The following TIMM23 variants were observed in gnomAD, a reference collection of about 807,000 sequenced individuals.
The protein encoded by TIMM23 is mitochondrial import inner membrane translocase subunit Tim23.
In TIMM23, 19 loss-of-function variants were observed where a neutral mutation model predicts 30.7. That is an observed-to-expected ratio of 0.62 (90% CI 0.43 to 0.91). TIMM23 has a LOEUF of 0.91. TIMM23 is among the 40% of genes least tolerant of loss of function. TIMM23 has a pLI of 0.00. For synonymous variants in TIMM23, 78 were observed against 98.5 expected (o/e 0.79, Z 1.23); for missense variants, 202 against 269.2 (o/e 0.75, Z 1.75).
At chr10:45,979,052 T>A (rs1478278354) in intron 2 of TIMM23, among the ~76,000 whole-genome samples, 7 of 152,230 alleles carry the variant, frequency 4.6e-5, no homozygotes, top group African/African-American at 1.7e-4. Flanking sequence ...ATTGTGTGGT[T>A]CCATTTATAT....
At chr10:45,986,314 C>G (rs1837985778) in intron 5 of TIMM23, among the ~76,000 whole-genome samples, 1 of 152,162 alleles carries the variant, frequency 6.6e-6, no homozygotes, top group African/African-American at 2.4e-5. Context: ...TCACCCCGCT[C>G]TGTTTCTTTT....
At chr10:45,984,065 T>C (rs1837929258) in intron 4 of TIMM23, among the ~76,000 whole-genome samples, 1 of 152,302 alleles carries the variant, frequency 6.6e-6, no homozygotes, top group South Asian at 2.1e-4. Context: ...TTTATATTCC[T>C]GTTACTGTGT....
At chr10:45,975,285 G>A (rs1837633476) in intron 1 of TIMM23, among the ~76,000 whole-genome samples, 169 bp from the exon 2 acceptor site, 1 of 152,116 alleles carries the variant, frequency 6.6e-6, no homozygotes, top group African/African-American at 2.4e-5. Context: ...GTCTCAGGAT[G>A]AGTCAGCCCC....
At chr10:45,995,876 A>G (rs1247887871) in intron 6 of TIMM23, among the ~76,000 whole-genome samples, 25 of 139,676 alleles carry the variant, frequency 1.8e-4, no homozygotes, top group African/African-American at 5.8e-4. Flanking sequence ...AGATTTTACA[A>G]TCCTTTTAAG....
intron 1 of TIMM23, among the ~76,000 whole-genome samples, chr10:45,973,518 T>C (rs1486424435): frequency 3.3e-5 from 5 of 152,366 alleles, no homozygotes; most frequent in Middle Eastern, 3.4e-3. Flanking sequence ...TATTTTATAC[T>C]AAGGAACAAC....
At chr10:45,990,807 G>A (rs1354551583) in intron 6 of TIMM23, 152 of 372,554 alleles carry the variant, frequency 4.1e-4, no homozygotes, top group Admixed American at 6.5e-4. Flanking sequence ...CTTACATATT[G>A]TCTGTTGACT....
intron 6 of TIMM23, among the ~76,000 whole-genome samples, chr10:45,989,245 T>C (rs1262509079): frequency 6.6e-6 from 1 of 152,234 alleles, no homozygotes; most frequent in Admixed American, 6.5e-5. Context: ...CCTTTTTTGA[T>C]TGGCTTATTT....
In TIMM23 at chr10:45,992,592, T is replaced by A. The variant is rs1397073943; in HGVS notation, c.514+3745T>A. On this transcript the variant is annotated intron_variant, in intron 6 of 6. Transcript: ENST00000580018. Reference sequence around the variant, plus strand: ...TTTTTTTTTTTAAACGGAGTTTTGCTCTGTCGCCAGGCTGCAGTGCAGTGG... The same window carrying A: ...TTTTTTTTTTTAAACGGAGTTTTGCACTGTCGCCAGGCTGCAGTGCAGTGG... 4 of 432,902 alleles carry A rather than the reference T, an allele frequency of 9.2e-6. No homozygotes were observed. In the Admixed American group the frequency reaches 1.1e-4, roughly 12 times the overall value. 26.8% of individuals were successfully genotyped at this position (432,902 alleles called of 1,614,324 possible). A position where few individuals can be genotyped will look rare whatever the true frequency, so the allele number is the denominator to read the frequency against.
At chr10:45,973,105 G>C (rs1554912182) in intron 1 of TIMM23, among the ~76,000 whole-genome samples, 1 of 152,134 alleles carries the variant, frequency 6.6e-6, no homozygotes, top group African/African-American at 2.4e-5. Context: ...TAACTTTTTA[G>C]TACACAGCGA....
At chr10:45,980,879 A>G (rs1224996450) in intron 2 of TIMM23, among the ~76,000 whole-genome samples, 1 of 147,712 alleles carries the variant, frequency 6.8e-6, no homozygotes, top group Non-Finnish European at 1.5e-5. Flanking sequence ...GTTGGTGCTA[A>G]CGTGCACTTT....
intron 2 of TIMM23, among the ~76,000 whole-genome samples, chr10:45,981,138 C>A (rs1837831651): frequency 6.7e-6 from 1 of 149,394 alleles, no homozygotes; most frequent in Admixed American, 6.7e-5. Flanking sequence ...GGGGTTTCAC[C>A]ATGTTGCCCA....
intron 2 of TIMM23, among the ~76,000 whole-genome samples, chr10:45,978,431 A>G (rs1244468600): frequency 2.6e-5 from 4 of 152,254 alleles, no homozygotes; most frequent in Non-Finnish European, 5.9e-5. Flanking sequence ...ATTTATATCT[A>G]GAATATTTAA....
chr10:45,992,550 A>C (rs1423761728), intron 6 of TIMM23: 21 of 428,314 alleles, frequency 4.9e-5, no homozygotes, highest in Admixed American at 2.3e-4. Flanking sequence ...AATCCAATTA[A>C]GCTTTTTTTT....
intron 6 of TIMM23, among the ~76,000 whole-genome samples, chr10:45,989,210 ATAAG>A (rs1838084888): frequency 6.6e-6 from 1 of 152,198 alleles, no homozygotes; most frequent in African/African-American, 2.4e-5. Flanking sequence ...GGCACCTCAT[ATAAG>A]TAGAATCATA....
At chr10:45,974,279 G>T (rs1162995882) in intron 1 of TIMM23, among the ~76,000 whole-genome samples, 2 of 152,092 alleles carry the variant, frequency 1.3e-5, no homozygotes, top group East Asian at 3.8e-4. Context: ...TGCTGTAAAG[G>T]GAATAAAGCA....
In TIMM23 at chr10:46,002,025, C is replaced by T. The variant is rs781896365; in HGVS notation, c.515-1178C>T. 7.2e-4 allele frequency among the ~76,000 whole-genome samples: 109 copies of T among 152,118 alleles called. 1 individual carries two copies. Among genetic ancestry groups the T allele is most frequent in the Admixed American group, 2.6e-3 (39 of 15,272 alleles). ...ACATGTAAAATTGTTCACTTGTTAT[C>T]AAGCAGGTAGTTCAATATCTGTAAT... On this transcript the variant is annotated intron_variant, in intron 6 of 6. Coordinates refer to ENST00000580018, the MANE Select transcript of TIMM23 (RefSeq NM_006327.4).
chr10:45,987,280 A>G (rs1838018135), intron 5 of TIMM23, among the ~76,000 whole-genome samples: 1 of 152,122 alleles, frequency 6.6e-6, no homozygotes, highest in Non-Finnish European at 1.5e-5. Flanking sequence ...ACAACAGTCA[A>G]CATAGGATAG....
intron 6 of TIMM23, among the ~76,000 whole-genome samples, chr10:45,995,931 T>A (rs1296679231): frequency 1.3e-5 from 2 of 149,034 alleles, no homozygotes; most frequent in Non-Finnish European, 2.9e-5. Context: ...TACGTGATAT[T>A]TGTGGTGGAT....
chr10:45,996,721 C>T, intron 6 of TIMM23, among the ~76,000 whole-genome samples: 1 of 152,018 alleles, frequency 6.6e-6, no homozygotes, highest in African/African-American at 2.4e-5. Flanking sequence ...TGTGGTAGCT[C>T]ATGTCTATAA....
Sources: gnomAD v4.1 joint callset for allele counts (sites outside exome capture counted in the v4.1 genomes callset) on GRCh38, gnomAD v4.1.1 for gene constraint, MANE v1.5 for transcripts, NCBI Gene and HGNC (gene_info 2026-07-23, HGNC 2026-07-21) for gene names.